ADAM12: variants seen among roughly 807,000 people sequenced by gnomAD.
ADAM12 encodes disintegrin and metalloproteinase domain-containing protein 12.
Under a neutral mutation model 106.4 loss-of-function variants are expected in ADAM12, and 70 were observed. The observed-to-expected ratio is 0.66, with a 90% CI of 0.54 to 0.80. The LOEUF (loss-of-function observed/expected upper bound fraction) is 0.80, where lower values mean the gene tolerates loss of function less well. Ranked by LOEUF, ADAM12 falls within the 30% of genes least tolerant of loss-of-function variation. The pLI is 0.00. For synonymous variants in ADAM12, 420 were observed against 433.5 expected (o/e 0.97, Z 0.39); for missense variants, 1,010 against 1,171.9 (o/e 0.86, Z 2.02).
At chr10:126,322,358 G>A (rs1315531503) in intron 2 of ADAM12, among the ~76,000 whole-genome samples, 1 of 152,202 alleles carries the variant, frequency 6.6e-6, no homozygotes, top group Non-Finnish European at 1.5e-5. Flanking sequence ...CCCAGTAACT[G>A]CCAGTTTCCT....
chr10:126,263,153 A>G (rs946961208), intron 3 of ADAM12, among the ~76,000 whole-genome samples: 1 of 152,204 alleles, frequency 6.6e-6, no homozygotes, highest in Admixed American at 6.5e-5. Context: ...GCCCTGCATG[A>G]TTCCTCATCT....
intron 3 of ADAM12, among the ~76,000 whole-genome samples, chr10:126,221,422 AAG>A (rs1958092839): frequency 6.6e-6 from 1 of 151,602 alleles, no homozygotes; most frequent in Non-Finnish European, 1.5e-5. Context: ...GAAAGAAAGA[AAG>A]AGAAGAAAAA....
chr10:126,043,241 C>G lies in ADAM12; in HGVS notation c.1996-93G>C, dbSNP rs1263402976. The stretch of plus-strand genomic sequence containing the variant: ...AGGGGGGCCATGGTCAGAGCCCCCC[C>G]CCAACACTGACACAGCCAGACTCAG... On this transcript the variant is annotated intron_variant, in intron 17 of 22. Transcript: ENST00000448723. This position sits in a 1 kb window ranked among gnomAD's most constrained non-coding sequence, Gnocchi z 4.1. The G allele has an allele frequency of 3.4e-6, 4 of 1,170,518 alleles. No homozygotes were observed. The highest frequency in any genetic ancestry group is 4.1e-5 in the Admixed American group (2 of 48,594). The allele number at this position is 1,170,518 out of a possible 1,614,324, so 72.5% of individuals were successfully genotyped here.
At chr10:126,226,208 G>T (rs972397214) in intron 3 of ADAM12, among the ~76,000 whole-genome samples, 1 of 126,474 alleles carries the variant, frequency 7.9e-6, no homozygotes, top group African/African-American at 2.9e-5. Flanking sequence ...GGGGCGGGGG[G>T]AGTGGGGTGG....
intron 4 of ADAM12, among the ~76,000 whole-genome samples, chr10:126,144,733 C>G (rs545222210): frequency 2.1e-4 from 32 of 152,338 alleles, no homozygotes; most frequent in African/African-American, 7.7e-4. Context: ...CATCTGTTCT[C>G]AGAATCTACA....
intron 10 of ADAM12, among the ~76,000 whole-genome samples, chr10:126,097,067 C>T (rs2133570187): frequency 1.3e-5 from 2 of 152,294 alleles, no homozygotes; most frequent in Admixed American, 1.3e-4. Flanking sequence ...CGCACAGCAG[C>T]AGAACTTACC....
At chr10:126,107,298 A>G (rs1436623031) in intron 8 of ADAM12, among the ~76,000 whole-genome samples, 1 of 152,088 alleles carries the variant, frequency 6.6e-6, no homozygotes, top group East Asian at 1.9e-4. Flanking sequence ...ATAAACCTCC[A>G]TTCATAGCAT....
At chr10:126,079,638 A>G (rs1366799138) in intron 11 of ADAM12, among the ~76,000 whole-genome samples, 1 of 152,236 alleles carries the variant, frequency 6.6e-6, no homozygotes, top group Non-Finnish European at 1.5e-5. Context: ...CCCTAGATTT[A>G]AAATTCAAAT....
intron 10 of ADAM12, among the ~76,000 whole-genome samples, chr10:126,095,138 T>G (rs926884272): frequency 1.3e-5 from 2 of 152,152 alleles, no homozygotes; most frequent in Non-Finnish European, 1.5e-5. Flanking sequence ...TCCAAGAGGC[T>G]TCCAAGAAAC....
chr10:126,067,657 A>G (rs2133487019), intron 12 of ADAM12, among the ~76,000 whole-genome samples: 1 of 152,366 alleles, frequency 6.6e-6, no homozygotes, highest in African/African-American at 2.4e-5. Context: ...GTACTTGAGA[A>G]CATTCAAGTA....
chr10:126,121,130 ACT>A (rs1956090085), intron 5 of ADAM12, among the ~76,000 whole-genome samples: 1 of 75,608 alleles, frequency 1.3e-5, no homozygotes, highest in Non-Finnish European at 2.2e-5. Context: ...TAGTATATAT[ACT>A]ATATACTATA....
chr10:126,182,984 T>C (rs1478084860), intron 3 of ADAM12, among the ~76,000 whole-genome samples: 1 of 152,118 alleles, frequency 6.6e-6, no homozygotes, highest in East Asian at 1.9e-4. Context: ...TTACAGCCAC[T>C]CCTCATTGCT....
At chr10:126,060,220 G>A (rs4962504) in intron 14 of ADAM12, among the ~76,000 whole-genome samples, 28,611 of 152,158 alleles carry the variant, frequency 0.19, 3,308 homozygotes, top group African/African-American at 0.33. Flanking sequence ...TGAATTTTCT[G>A]TTGTTTTATT....
At chr10:126,349,188 C>T (rs1169612861) in intron 1 of ADAM12, among the ~76,000 whole-genome samples, 1 of 152,188 alleles carries the variant, frequency 6.6e-6, no homozygotes, top group East Asian at 1.9e-4. Context: ...CACTGGAGAA[C>T]ACACCTCATA....
intron 16 of ADAM12, 151 bp from the exon 17 acceptor site, chr10:126,046,283 A>G (rs973013197): frequency 2.2e-5 from 15 of 677,114 alleles, no homozygotes; most frequent in Non-Finnish European, 3.7e-5. Context: ...GCATAACAAT[A>G]CATTTTATAC....
At chr10:126,120,020 C>T (rs1443742519) in intron 5 of ADAM12, among the ~76,000 whole-genome samples, 2 of 152,142 alleles carry the variant, frequency 1.3e-5, no homozygotes, top group African/African-American at 4.8e-5. Flanking sequence ...TGTTATTTAG[C>T]GAGGTGACCA....
rs145374984 is a variant in ADAM12 at position 126,206,854 on chromosome 10, T to TGG, written c.261-51551_261-51550dup. ...TAGCTCCCTGAATTCCCATGTGTTGTGGGGGCGGGGGGGAGCCAGTGGGAG... is the reference window on the plus strand; with the variant it reads ...TAGCTCCCTGAATTCCCATGTGTTGTGGGGGGGCGGGGGGGAGCCAGTGGGAG... On this transcript the variant is annotated intron_variant, in intron 3 of 22. Transcript: ENST00000448723. 3.1e-3 allele frequency among the ~76,000 whole-genome samples: 252 copies of TGG among 81,670 alleles called. 8 individuals are homozygous for TGG. Among genetic ancestry groups the TGG allele is most frequent in the East Asian group, 0.016 (50 of 3,064 alleles). 53.6% of individuals were successfully genotyped at this position (81,670 alleles called of 152,430 possible). A position where few individuals can be genotyped will look rare whatever the true frequency, so the allele number is the denominator to read the frequency against.
At chr10:126,095,321 T>G (rs146039046) in intron 10 of ADAM12, among the ~76,000 whole-genome samples, 3,123 of 151,582 alleles carry the variant, frequency 0.021, 72 homozygotes, top group Admixed American at 0.061. Context: ...GATCATGAGG[T>G]CAGGAGATCA....
intron 3 of ADAM12, among the ~76,000 whole-genome samples, chr10:126,264,721 T>C (rs1005039944): frequency 3.9e-5 from 6 of 152,136 alleles, no homozygotes; most frequent in Admixed American, 6.5e-5. Context: ...TGAAACGTTG[T>C]TTTTTTGTTT....
Sources: gnomAD v4.1 joint callset for allele counts (sites outside exome capture counted in the v4.1 genomes callset) on GRCh38, gnomAD v4.1.1 for gene constraint, Gnocchi (gnomAD v3.1) non-coding constraint, MANE v1.5 for transcripts, NCBI Gene and HGNC (gene_info 2026-07-23, HGNC 2026-07-21) for gene names.